Variants in BANP observed in about 807,000 individuals in gnomAD.
BANP encodes protein BANP.
Under a neutral mutation model 68.1 loss-of-function variants are expected in BANP, and 11 were observed. That is an observed-to-expected ratio of 0.16 (90% CI 0.10 to 0.27). The LOEUF (loss-of-function observed/expected upper bound fraction) is 0.27. Ranked by LOEUF, BANP falls within the 10% of genes least tolerant of loss-of-function variation. BANP has a pLI of 1.00. For missense variants in BANP, 504 were observed against 722.7 expected, an observed-to-expected ratio of 0.70 and a Z score of 3.47; for synonymous variants, 329 against 303.2, an observed-to-expected ratio of 1.09 and a Z score of -0.88.
At chr16:88,007,634 C>T (rs957031101) in intron 6 of BANP, among the ~76,000 whole-genome samples, 5 of 152,352 alleles carry the variant, frequency 3.3e-5, no homozygotes, top group Non-Finnish European at 5.9e-5. Context: ...CTAGGAAGAA[C>T]TCAGTTTTTC....
rs181774450 is a variant in BANP, at chr16:87,957,966, A to T, written c.-69+6451A>T. ...CCCTGAGCAGAGTGCTGCCGCTGCC[A>T]GTCTGCGTTTTCTGCCGAAATGCGT... On this transcript the variant is annotated intron_variant, in intron 1 of 13. Coordinates refer to ENST00000682872, the MANE Select transcript of BANP (RefSeq NM_001386991.1). This position sits in a 1 kb window ranked among gnomAD's most constrained non-coding sequence, Gnocchi z 4.3. Among the ~76,000 whole-genome samples the T allele has an allele frequency of 3.3e-3, 499 of 152,252 alleles. 1 individual carries two copies. The highest frequency in any genetic ancestry group is 0.012 in the African/African-American group (480 of 41,544).
chr16:88,065,243 A>T, intron 11 of BANP, 24 bp from the exon 12 acceptor site: 1 of 725,574 alleles, frequency 1.4e-6, no homozygotes, highest in Non-Finnish European at 2.5e-6. Flanking sequence ...TCCAGGGGAA[A>T]ATTCGTTTTC....
At chr16:87,952,288 G>C (rs1159067938) in intron 1 of BANP, 1 of 152,278 alleles carries the variant, frequency 6.6e-6, no homozygotes, top group African/African-American at 2.4e-5. Context: ...GGGTTGTCTT[G>C]CTATTGGAGA....
intron 6 of BANP, among the ~76,000 whole-genome samples, chr16:88,009,250 G>A (rs2072277043): frequency 1.3e-5 from 2 of 152,194 alleles, no homozygotes; most frequent in Admixed American, 6.5e-5. Flanking sequence ...GAGTTTCTAC[G>A]AGGGAAAGCA....
In BANP at chr16:88,077,034, A is replaced by G. The variant is rs1425225077; in HGVS notation, c.*373A>G. 4 of 211,330 alleles carry G rather than the reference A, an allele frequency of 1.9e-5. No individual in the cohort carries two copies. In the East Asian group the frequency reaches 5.5e-4, roughly 29 times the overall value. 13.1% of individuals were successfully genotyped at this position (211,330 alleles called of 1,614,324 possible). On this transcript the variant is annotated 3_prime_UTR_variant, in exon 14 of 14. Transcript: ENST00000682872. ...TTGAAAAAAAAAATCCCAGGGGAGT[A>G]GCAGGAGCCCTTTGCTGTGTGCTCT...
chr16:87,953,476 A>G (rs1167375880), intron 1 of BANP, among the ~76,000 whole-genome samples: 1 of 152,152 alleles, frequency 6.6e-6, no homozygotes, highest in Non-Finnish European at 1.5e-5. Flanking sequence ...AGCCGCTAAT[A>G]CAGGTGTGAG....
chr16:87,986,304 C>A (rs1031646756), intron 4 of BANP, among the ~76,000 whole-genome samples: 4 of 152,232 alleles, frequency 2.6e-5, no homozygotes, highest in Admixed American at 1.3e-4. Flanking sequence ...CTGGGCAGGT[C>A]ATTGTCACCA....
chr16:88,015,804 C>T (rs188134813), intron 6 of BANP, among the ~76,000 whole-genome samples: 6 of 152,378 alleles, frequency 3.9e-5, no homozygotes, highest in Admixed American at 6.5e-5. Flanking sequence ...CATTCGTGCT[C>T]CTTTACCCGG....
At chr16:88,022,967 C>T (rs564577437) in intron 7 of BANP, among the ~76,000 whole-genome samples, 3 of 152,280 alleles carry the variant, frequency 2.0e-5, no homozygotes, top group South Asian at 2.1e-4. Flanking sequence ...TGGACCAGGA[C>T]GTGAGTTTTG....
chr16:87,972,564 G>C (rs531306968), intron 1 of BANP, among the ~76,000 whole-genome samples: 1 of 152,176 alleles, frequency 6.6e-6, no homozygotes, highest in Admixed American at 6.5e-5. Flanking sequence ...AGTAGTTTCT[G>C]TTGCTCATTT....
intron 8 of BANP, among the ~76,000 whole-genome samples, chr16:88,030,516 G>A (rs1356633464): frequency 6.6e-6 from 1 of 152,232 alleles, no homozygotes; most frequent in African/African-American, 2.4e-5. Context: ...TAAATGACTT[G>A]CCAGGACCTT....
At chr16:87,965,352 G>T (rs976563342) in intron 1 of BANP, among the ~76,000 whole-genome samples, 2 of 152,076 alleles carry the variant, frequency 1.3e-5, no homozygotes, top group African/African-American at 4.8e-5. Context: ...TACAGGCGGG[G>T]CTTCTGAGGA....
intron 12 of BANP, 83 bp downstream of exon 12, chr16:88,065,415 G>A (rs1170924915): frequency 1.5e-6 from 1 of 655,874 alleles, no homozygotes; most frequent in African/African-American, 1.8e-5. Context: ...CGATGACACT[G>A]GGCCCACCTG....
At chr16:87,996,363 G>C (rs999919464) in intron 4 of BANP, among the ~76,000 whole-genome samples, 1 of 152,260 alleles carries the variant, frequency 6.6e-6, no homozygotes, top group African/African-American at 2.4e-5. Flanking sequence ...GGCTGCATGA[G>C]TTGGATGTTC....
In BANP at chr16:88,036,833, G is replaced by T. The variant is rs1316619865; in HGVS notation, c.1273-1140G>T. 6.6e-6 allele frequency among the ~76,000 whole-genome samples: 1 copy of T among 152,204 alleles called. No individual in the cohort carries two copies. The highest frequency in any genetic ancestry group is 1.5e-5 in the Non-Finnish European group (1 of 68,032). ...GAAGGAGCAGGGCCTTCCCTGTTCT[G>T]TGTCTGTGGGTGGGTCAGGGACCAT... On this transcript the variant is annotated intron_variant, in intron 10 of 13. Coordinates refer to ENST00000682872, the MANE Select transcript of BANP (RefSeq NM_001386991.1). The surrounding 1 kb of genome is among the most constrained non-coding windows in gnomAD (Gnocchi z 4.2).
chr16:87,993,113 G>A (rs1041418510), intron 4 of BANP, among the ~76,000 whole-genome samples: 2 of 152,228 alleles, frequency 1.3e-5, no homozygotes, highest in Non-Finnish European at 2.9e-5. Context: ...TGGGGAGGGA[G>A]GACACGTAGG....
At chr16:87,974,915 A>G in intron 1 of BANP, 133 bp from the exon 2 acceptor site, 1 of 568,206 alleles carries the variant, frequency 1.8e-6, no homozygotes, top group South Asian at 2.3e-5. Flanking sequence ...GTTTGAGGCA[A>G]GAAGAACCCT....
chr16:87,967,901 G>A, intron 1 of BANP, among the ~76,000 whole-genome samples: 1 of 152,090 alleles, frequency 6.6e-6, no homozygotes, highest in African/African-American at 2.4e-5. Flanking sequence ...GATTACAGGT[G>A]TGAGCCACCG....
chr16:87,994,760 C>A (rs558028267), intron 4 of BANP, among the ~76,000 whole-genome samples: 2 of 152,176 alleles, frequency 1.3e-5, no homozygotes, highest in South Asian at 4.2e-4. Context: ...CATAGTGAGA[C>A]CCCGTGTATA....
Sources: gnomAD v4.1 joint callset for allele counts (sites outside exome capture counted in the v4.1 genomes callset) on GRCh38, gnomAD v4.1.1 for gene constraint, Gnocchi (gnomAD v3.1) non-coding constraint, MANE v1.5 for transcripts, NCBI Gene and HGNC (gene_info 2026-07-23, HGNC 2026-07-21) for gene names.